TENM4: variants seen among roughly 807,000 people sequenced by gnomAD.
TENM4 encodes the protein teneurin-4.
TENM4 carries 82 observed loss-of-function variants against 243.3 expected under a neutral mutation model. The ratio of observed to expected loss-of-function variants is 0.34; its 90% CI spans 0.28 to 0.40. TENM4 has a LOEUF of 0.40. Ranked by LOEUF, TENM4 falls within the 10% of genes least tolerant of loss-of-function variation. The pLI, the probability that TENM4 is intolerant of heterozygous loss-of-function variation, is 1.00. For missense variants in TENM4, 3,138 were observed against 3,673.3 expected, an observed-to-expected ratio of 0.85 and a Z score of 3.77; for synonymous variants, 1,412 against 1,456.3, an observed-to-expected ratio of 0.97 and a Z score of 0.69.
intron 1 of TENM4, among the ~76,000 whole-genome samples, chr11:79,413,974 G>A (rs1461823102): frequency 1.3e-5 from 2 of 152,052 alleles, no homozygotes; most frequent in African/African-American, 4.8e-5. Context: ...GGCTCTGCAT[G>A]GAGCTTATTC....
intron 10 of TENM4, among the ~76,000 whole-genome samples, chr11:78,857,562 A>T (rs1202112562): frequency 6.6e-6 from 1 of 152,244 alleles, no homozygotes; most frequent in African/African-American, 2.4e-5. Context: ...CAGAAACATC[A>T]GGTTTTTAGC....
chr11:78,700,282 C>A (rs1286044189), intron 28 of TENM4, among the ~76,000 whole-genome samples: 3 of 152,226 alleles, frequency 2.0e-5, no homozygotes, highest in Non-Finnish European at 4.4e-5. Context: ...CAAGCTCTGG[C>A]ATCAGACTTG....
At chr11:79,294,674 C>A (rs1017206706) in intron 2 of TENM4, among the ~76,000 whole-genome samples, 1 of 152,014 alleles carries the variant, frequency 6.6e-6, no homozygotes, top group African/African-American at 2.4e-5. Context: ...CATGGTGAAA[C>A]CCTGTCTCTA....
intron 2 of TENM4, among the ~76,000 whole-genome samples, chr11:79,256,171 A>G (rs1855698079): frequency 6.6e-6 from 1 of 152,196 alleles, no homozygotes; most frequent in Admixed American, 6.5e-5. Context: ...GCTGTCCAGC[A>G]TCTTCTCCTG....
chr11:78,885,646 G>A (rs1389795411), intron 9 of TENM4, among the ~76,000 whole-genome samples: 2 of 152,252 alleles, frequency 1.3e-5, no homozygotes. Context: ...TCAGCTGGGC[G>A]TGGTGCCGCA....
intron 1 of TENM4, among the ~76,000 whole-genome samples, chr11:79,391,155 A>C (rs1472440890): frequency 6.6e-6 from 1 of 152,190 alleles, no homozygotes; most frequent in African/African-American, 2.4e-5. Context: ...TAGTCATGAA[A>C]ATTCAGTGAG....
chr11:78,699,574 G>A (rs1208178534), intron 28 of TENM4, among the ~76,000 whole-genome samples: 3 of 152,344 alleles, frequency 2.0e-5, no homozygotes, highest in Non-Finnish European at 1.5e-5. Context: ...TCTGGTTTGT[G>A]TTAACAAGGA....
At chr11:78,667,474 A>G (rs1016994732) in intron 32 of TENM4, among the ~76,000 whole-genome samples, 4 of 152,050 alleles carry the variant, frequency 2.6e-5, no homozygotes, top group African/African-American at 9.7e-5. Context: ...CCCTCTCTGC[A>G]ATGCCTTTCT....
intron 19 of TENM4, among the ~76,000 whole-genome samples, chr11:78,754,766 T>C (rs778923822): frequency 2.0e-5 from 3 of 152,198 alleles, no homozygotes; most frequent in Non-Finnish European, 4.4e-5. Flanking sequence ...GCTCTGCCAC[T>C]TGACTAGCCT....
intron 23 of TENM4, 83 bp downstream of exon 23, chr11:78,725,996 A>T (rs1271859742): frequency 1.3e-6 from 2 of 1,555,568 alleles, no homozygotes; most frequent in Admixed American, 3.8e-5. Context: ...TCAAAATGTG[A>T]ATTTTTTGTT....
At chr11:78,876,201 G>A (rs1287262916) in intron 9 of TENM4, among the ~76,000 whole-genome samples, 1 of 152,148 alleles carries the variant, frequency 6.6e-6, no homozygotes, top group Admixed American at 6.5e-5. Flanking sequence ...ATTGACTGCT[G>A]GAGAGAAAAA....
At chr11:79,064,620 A>G (rs1205777539) in intron 6 of TENM4, 118 bp downstream of exon 6, 2 of 1,361,082 alleles carry the variant, frequency 1.5e-6, no homozygotes, top group African/African-American at 2.9e-5. Flanking sequence ...CCCTGAGAGT[A>G]AAGCAATTTT....
At chr11:79,367,308 T>C (rs992180479) in intron 1 of TENM4, among the ~76,000 whole-genome samples, 1 of 152,208 alleles carries the variant, frequency 6.6e-6, no homozygotes, top group African/African-American at 2.4e-5. Context: ...GCTACTAGAA[T>C]CCCCGATACT....
At chr11:79,046,242 G>A (rs1859654364) in intron 6 of TENM4, among the ~76,000 whole-genome samples, 1 of 152,192 alleles carries the variant, frequency 6.6e-6, no homozygotes, top group Non-Finnish European at 1.5e-5. Context: ...GGAGGGAGTT[G>A]CAGCCAGGCC....
At chr11:79,322,876 C>T (rs1288496117) in intron 1 of TENM4, among the ~76,000 whole-genome samples, 2 of 152,206 alleles carry the variant, frequency 1.3e-5, no homozygotes, top group Admixed American at 6.5e-5. Flanking sequence ...TGAGAATCCT[C>T]ATAAAAAGGA....
chr11:79,006,789 G>T (rs1858495725), intron 6 of TENM4, among the ~76,000 whole-genome samples: 1 of 152,258 alleles, frequency 6.6e-6, no homozygotes, highest in South Asian at 2.1e-4. Flanking sequence ...AAGCTTAAAA[G>T]ATGAGTTCTT....
rs531872835 is a variant in TENM4, at chr11:78,971,326, G to A, written c.494-67803C>T. ...GTTTGTTTGTTTTGTTTTTACAGAC[G>A]GAGTCTTGCTCTGTCACCCAGGCTG... On this transcript the variant is annotated intron_variant, in intron 6 of 33. Coordinates refer to ENST00000278550, the MANE Select transcript of TENM4 (RefSeq NM_001098816.3). Among the ~76,000 whole-genome samples, 3 of 152,140 alleles carry A rather than the reference G, an allele frequency of 2.0e-5. No homozygotes were observed. The South Asian group carries it at 6.2e-4, about 32-fold the overall frequency.
chr11:78,889,164 C>T (rs577259397), intron 9 of TENM4, among the ~76,000 whole-genome samples: 7 of 152,290 alleles, frequency 4.6e-5, no homozygotes, highest in Middle Eastern at 3.4e-3. Flanking sequence ...CGTGTCTGTG[C>T]GCCCTCAGCC....
At chr11:78,704,023 AC>A in intron 27 of TENM4, among the ~76,000 whole-genome samples, 1 of 133,086 alleles carries the variant, frequency 7.5e-6, no homozygotes, top group East Asian at 2.0e-4. Flanking sequence ...ACACACACAC[AC>A]ATATATATAT....
Sources: gnomAD v4.1 joint callset for allele counts (sites outside exome capture counted in the v4.1 genomes callset) on GRCh38, gnomAD v4.1.1 for gene constraint, MANE v1.5 for transcripts, NCBI Gene and HGNC (gene_info 2026-07-23, HGNC 2026-07-21) for gene names.